AGXT2: variants seen among roughly 807,000 people sequenced by gnomAD.
AGXT2 encodes alanine--glyoxylate aminotransferase 2, mitochondrial.
In AGXT2, 61 loss-of-function variants were observed where a neutral mutation model predicts 62.5. The ratio of observed to expected loss-of-function variants is 0.98; its 90% CI spans 0.79 to 1.21. The LOEUF (loss-of-function observed/expected upper bound fraction) is 1.21. AGXT2 is among the 50% of genes most tolerant of loss of function. The probability of loss-of-function intolerance (pLI) is 0.00; values close to 1 mark genes in which losing one functional copy is unlikely to be tolerated. For synonymous variants in AGXT2, 243 were observed against 218.7 expected (o/e 1.11, Z -0.98); for missense variants, 666 against 641.5 (o/e 1.04, Z -0.41).
intron 5 of AGXT2, 38 bp downstream of exon 5, chr5:35,035,184 C>T: frequency 6.5e-7 from 1 of 1,527,172 alleles, no homozygotes; most frequent in South Asian, 1.1e-5. Flanking sequence ...GGGGGTAAGT[C>T]AGTGTTCCTA....
intron 9 of AGXT2, among the ~76,000 whole-genome samples, chr5:35,024,399 C>T (rs1400775127): frequency 6.6e-6 from 1 of 152,144 alleles, no homozygotes; most frequent in Admixed American, 6.5e-5. Context: ...CATAGCTACT[C>T]TCAGTAGACA....
chr5:35,040,845 A>G (rs1579514036), intron 1 of AGXT2, among the ~76,000 whole-genome samples, 182 bp from the exon 2 acceptor site: 1 of 152,062 alleles, frequency 6.6e-6, no homozygotes, highest in Non-Finnish European at 1.5e-5. Flanking sequence ...TTTCTGGAGG[A>G]AAAAAATAGT....
At chr5:35,024,806 C>T (rs1398397224) in intron 9 of AGXT2, among the ~76,000 whole-genome samples, 1 of 151,916 alleles carries the variant, frequency 6.6e-6, no homozygotes, top group Non-Finnish European at 1.5e-5. Flanking sequence ...CCAGTCTCTA[C>T]TAAAAAATAC....
chr5:35,025,356 G>A (rs1350026992), intron 9 of AGXT2, among the ~76,000 whole-genome samples: 2 of 152,180 alleles, frequency 1.3e-5, no homozygotes, highest in African/African-American at 4.8e-5. Context: ...CAGCCTGGAT[G>A]ACAGAGCGAG....
intron 11 of AGXT2, among the ~76,000 whole-genome samples, chr5:35,010,943 T>C (rs1766618454): frequency 6.6e-6 from 1 of 152,236 alleles, no homozygotes; most frequent in Non-Finnish European, 1.5e-5. Context: ...CTCTGGCCTC[T>C]TTGGCTGAGC....
At position 35,013,184 on chromosome 5, in the gene AGXT2, T is replaced by C. The variant is rs1328581611; in HGVS notation, c.1097-139A>G. 8.9e-6 allele frequency: 7 copies of C among 783,482 alleles called. 1 individual carries two copies. The highest frequency in any genetic ancestry group is 7.4e-5 in the South Asian group (5 of 67,276). The allele number at this position is 783,482 out of a possible 1,614,324, so 48.5% of individuals were successfully genotyped here. A position where few individuals can be genotyped will look rare whatever the true frequency, so the allele number is the denominator to read the frequency against. On this transcript the variant is annotated intron_variant, in intron 10 of 13. Coordinates refer to ENST00000231420, the MANE Select transcript of AGXT2 (RefSeq NM_031900.4). ...CATCCTTCATTCAACTGATAGTAGA[T>C]GTTAGGGACTGAATTGTATCGCCTC...
At chr5:35,007,618 G>C (rs965834423) in intron 12 of AGXT2, among the ~76,000 whole-genome samples, 2 of 152,192 alleles carry the variant, frequency 1.3e-5, no homozygotes, top group Non-Finnish European at 2.9e-5. Context: ...GTAGAATTAG[G>C]GGATGTAGGA....
chr5:35,031,886 G>GTTT (rs34618446), intron 7 of AGXT2, among the ~76,000 whole-genome samples: 84 of 119,388 alleles, frequency 7.0e-4, no homozygotes, highest in African/African-American at 2.5e-3. Flanking sequence ...TTGATTTCTT[G>GTTT]TTTTTTTTTT....
At chr5:35,033,621 A>G (rs1046572869) in intron 5 of AGXT2, 68 bp from the exon 6 acceptor site, 134 of 1,233,446 alleles carry the variant, frequency 1.1e-4, no homozygotes, top group Non-Finnish European at 1.6e-4. Flanking sequence ...AAAAGAGAAA[A>G]CCCAGGAAGG....
intron 13 of AGXT2, among the ~76,000 whole-genome samples, chr5:34,999,925 C>G (rs1012056349): frequency 6.6e-6 from 1 of 152,154 alleles, no homozygotes; most frequent in African/African-American, 2.4e-5. Flanking sequence ...TCCCCTTAGC[C>G]TATAAACAAG....
intron 4 of AGXT2, among the ~76,000 whole-genome samples, 177 bp from the exon 5 acceptor site, chr5:35,035,493 C>T (rs1316647523): frequency 6.6e-6 from 1 of 152,186 alleles, no homozygotes; most frequent in Non-Finnish European, 1.5e-5. Context: ...ATAGCCCTTC[C>T]TCCAGTAGCC....
At chr5:35,015,765 G>A (rs867522087) in intron 9 of AGXT2, among the ~76,000 whole-genome samples, 22 of 146,636 alleles carry the variant, frequency 1.5e-4, no homozygotes, top group South Asian at 6.4e-4. Flanking sequence ...GAGGAGAATC[G>A]CTTGAACCTG....
intron 9 of AGXT2, among the ~76,000 whole-genome samples, chr5:35,022,344 C>T (rs1464413907): frequency 1.3e-5 from 2 of 151,798 alleles, no homozygotes; most frequent in Non-Finnish European, 2.9e-5. Context: ...CAATGATAGA[C>T]TGGATTAAGA....
intron 9 of AGXT2, among the ~76,000 whole-genome samples, chr5:35,019,900 G>A (rs917746160): frequency 1.3e-5 from 2 of 152,168 alleles, no homozygotes; most frequent in Non-Finnish European, 2.9e-5. Context: ...TATCACCACT[G>A]ATCCCACAGA....
chr5:35,039,199 C>T (rs1301500100), intron 3 of AGXT2, 125 bp downstream of exon 3: 1 of 1,162,268 alleles, frequency 8.6e-7, no homozygotes. Flanking sequence ...GGGAGTATGT[C>T]AGCCACAATC....
At chr5:35,014,861 A>C (rs1766793164) in intron 9 of AGXT2, among the ~76,000 whole-genome samples, 1 of 152,194 alleles carries the variant, frequency 6.6e-6, no homozygotes. Flanking sequence ...ACTGTCAGTC[A>C]AGTGGAGCTG....
At chr5:35,023,237 T>C (rs888998836) in intron 9 of AGXT2, among the ~76,000 whole-genome samples, 2 of 150,140 alleles carry the variant, frequency 1.3e-5, no homozygotes, top group African/African-American at 4.9e-5. Flanking sequence ...CAGTCTCAGG[T>C]ATTTCTTTAT....
In AGXT2 at chr5:34,998,909, A is replaced by G; in HGVS notation, c.1438-83T>C. ...AGGAAATGCACTAAACTAAAAATCCAAAACCTTGTGTTTAGGATGTTTCTC... is the reference window on the plus strand; with the variant it reads ...AGGAAATGCACTAAACTAAAAATCCGAAACCTTGTGTTTAGGATGTTTCTC... On this transcript the variant is annotated intron_variant, in intron 13 of 13. Coordinates refer to ENST00000231420, the MANE Select transcript of AGXT2 (RefSeq NM_031900.4). The G allele has an allele frequency of 2.9e-6, 3 of 1,034,422 alleles. No homozygotes were observed. In the South Asian group the frequency reaches 3.9e-5, roughly 14 times the overall value. 64.1% of individuals were successfully genotyped at this position (1,034,422 alleles called of 1,614,324 possible). A position where few individuals can be genotyped will look rare whatever the true frequency, so the allele number is the denominator to read the frequency against.
intron 3 of AGXT2, 139 bp from the exon 4 acceptor site, chr5:35,037,204 T>C: frequency 7.8e-7 from 1 of 1,279,430 alleles, no homozygotes; most frequent in East Asian, 2.6e-5. Context: ...GAGAATAAAC[T>C]CCTTTAACCA....
Sources: allele counts gnomAD v4.1 joint callset (sites outside exome capture counted in the v4.1 genomes callset), GRCh38; gene constraint gnomAD v4.1.1; transcripts MANE v1.5; gene names NCBI Gene and HGNC (gene_info 2026-07-23, HGNC 2026-07-21).